The following PITPNM2 variants were observed in gnomAD, a reference collection of about 807,000 sequenced individuals.
PITPNM2 encodes phosphatidylinositol transfer protein membrane associated 2, also known as membrane-associated phosphatidylinositol transfer protein 2.
A neutral mutation model predicts 132.2 loss-of-function variants in PITPNM2; 35 were observed. The ratio of observed to expected loss-of-function variants is 0.26; its 90% CI spans 0.20 to 0.35. The LOEUF is 0.35. Ranked by LOEUF, PITPNM2 falls within the 10% of genes least tolerant of loss-of-function variation. The pLI is 1.00. For synonymous variants in PITPNM2, 738 were observed against 799.2 expected (o/e 0.92, Z 1.29); for missense variants, 1,332 against 1,912.0 (o/e 0.70, Z 5.66).
intron 1 of PITPNM2, among the ~76,000 whole-genome samples, chr12:123,145,337 G>A (rs2043592793): frequency 6.6e-6 from 1 of 152,066 alleles, no homozygotes; most frequent in Non-Finnish European, 1.5e-5. Flanking sequence ...CACCCAATAG[G>A]GAGTTTGAGC....
chr12:123,092,712 T>A (rs1264189267), intron 2 of PITPNM2: 1 of 152,266 alleles, frequency 6.6e-6, no homozygotes, highest in Non-Finnish European at 1.5e-5. Context: ...TAACCCATCC[T>A]AGGTCTCCGA....
intron 6 of PITPNM2, among the ~76,000 whole-genome samples, chr12:123,007,017 C>A (rs1014451155): frequency 6.6e-6 from 1 of 152,196 alleles, no homozygotes; most frequent in Non-Finnish European, 1.5e-5. Context: ...AAGAAACACA[C>A]CATCGCCGGC....
At chr12:122,991,396 C>T (rs1233795331) in intron 16 of PITPNM2, among the ~76,000 whole-genome samples, 1 of 152,240 alleles carries the variant, frequency 6.6e-6, no homozygotes, top group Non-Finnish European at 1.5e-5. Context: ...AATCCAACCC[C>T]TCGCTGGGAC....
chr12:123,034,444 C>T, intron 3 of PITPNM2, 69 bp downstream of exon 3: 1 of 1,441,938 alleles, frequency 6.9e-7, no homozygotes, highest in Admixed American at 1.7e-5. Context: ...CCACCTAACC[C>T]ACATGTGGTG....
chr12:123,128,427 C>A (rs1187930155), intron 1 of PITPNM2, among the ~76,000 whole-genome samples: 1 of 109,658 alleles, frequency 9.1e-6, no homozygotes, highest in East Asian at 2.7e-4. Flanking sequence ...GGTGACAGAG[C>A]AAGACCCCGT....
Position 123,095,935 on chromosome 12 carries a change from A to C in PITPNM2, c.-96+14450T>G, listed in dbSNP as rs953140282. On this transcript the variant is annotated intron_variant, in intron 2 of 25. Coordinates refer to ENST00000320201, the MANE Select transcript of PITPNM2 (RefSeq NM_020845.3). The surrounding 1 kb of genome is among the most constrained non-coding windows in gnomAD (Gnocchi z 5.0). ...CTTCCACAAGGCTTGGCACTATCGT[A>C]AGGATCATCACCGCCCATGACTGAT... 2.0e-5 allele frequency among the ~76,000 whole-genome samples: 3 copies of C among 152,236 alleles called. No homozygotes were observed. Among genetic ancestry groups the C allele is most frequent in the African/African-American group, 7.2e-5 (3 of 41,462 alleles).
Position 123,024,000 on chromosome 12 carries a change from A to G in PITPNM2, c.79-9958T>C, listed in dbSNP as rs1383461017. Among the ~76,000 whole-genome samples the G allele has an allele frequency of 6.6e-6, 1 of 152,200 alleles. No individual in the cohort carries two copies. The highest frequency in any genetic ancestry group is 1.5e-5 in the Non-Finnish European group (1 of 68,038). On this transcript the variant is annotated intron_variant, in intron 3 of 25. Coordinates refer to ENST00000320201, the MANE Select transcript of PITPNM2 (RefSeq NM_020845.3). The surrounding 1 kb of genome is among the most constrained non-coding windows in gnomAD (Gnocchi z 4.8). ...TGGGCATGGTGCTGTACACCTGTAG[A>G]CCTAGCTACTCCAGAGGTGAAGTTG...
At chr12:123,035,063 A>C (rs2040221829) in intron 2 of PITPNM2, among the ~76,000 whole-genome samples, 3 of 152,244 alleles carry the variant, frequency 2.0e-5, no homozygotes, top group Admixed American at 2.0e-4. Flanking sequence ...ATAGCTGGTC[A>C]TGGAAAAGCA....
At chr12:123,028,341 G>A (rs2039940816) in intron 3 of PITPNM2, among the ~76,000 whole-genome samples, 1 of 152,220 alleles carries the variant, frequency 6.6e-6, no homozygotes, top group African/African-American at 2.4e-5. Flanking sequence ...TTCCAGCGGG[G>A]CAGCTTGCAG....
intron 2 of PITPNM2, among the ~76,000 whole-genome samples, chr12:123,074,946 A>G (rs2041737018): frequency 6.6e-6 from 1 of 152,236 alleles, no homozygotes; most frequent in Non-Finnish European, 1.5e-5. Flanking sequence ...TGATCTTAAC[A>G]ATCCTGGGAA....
At chr12:123,076,131 C>T (rs1181704653) in intron 2 of PITPNM2, 3 of 152,284 alleles carry the variant, frequency 2.0e-5, no homozygotes, top group African/African-American at 7.2e-5. Context: ...CATCACATAA[C>T]TCGTAAACCC....
Position 122,983,616 on chromosome 12 carries a change from C to G in PITPNM2, c.*2411G>C, listed in dbSNP as rs934048815. On this transcript the variant is annotated 3_prime_UTR_variant, in exon 26 of 26. Transcript: ENST00000320201. ...CTCACACATGGCCCAGAGAAACAGA[C>G]GGCACACGGACAGACCAGACGGGAG... The G allele has an allele frequency of 6.6e-6, 1 of 152,430 alleles. No individual in the cohort carries two copies. The highest frequency in any genetic ancestry group is 2.4e-5 in the African/African-American group (1 of 41,402). 9.4% of individuals were successfully genotyped at this position (152,430 alleles called of 1,614,324 possible).
At chr12:122,990,235 C>A (rs924063801) in intron 17 of PITPNM2, among the ~76,000 whole-genome samples, 2 of 152,278 alleles carry the variant, frequency 1.3e-5, no homozygotes, top group Non-Finnish European at 2.9e-5. Context: ...CACCAAGAGG[C>A]TTCATGCAGG....
At chr12:122,991,607 C>T (rs761227704) in intron 16 of PITPNM2, 2 of 895,836 alleles carry the variant, frequency 2.2e-6, no homozygotes, top group South Asian at 5.8e-5. Context: ...CATCAGCTCC[C>T]CAGAGCCGTC....
intron 2 of PITPNM2, among the ~76,000 whole-genome samples, chr12:123,100,557 C>T (rs555733154): frequency 2.2e-4 from 34 of 151,316 alleles, no homozygotes; most frequent in African/African-American, 7.5e-4. Context: ...GCCTGGTAGG[C>T]GGAAGTTGTA....
At chr12:123,021,837 T>C (rs1326290930) in intron 3 of PITPNM2, 1 of 382,214 alleles carries the variant, frequency 2.6e-6, no homozygotes, top group Non-Finnish European at 3.6e-6. Flanking sequence ...CTATATGTCA[T>C]CATCTCCCCA....
rs772240710 is a variant in PITPNM2, at chr12:122,988,291, G to A, written c.2940C>T (p.Phe980=). ...LELDGKEVSV[F]TPSKPREKWQ... is the part of the protein sequence containing the mutation. The stretch of plus-strand genomic sequence containing the variant: ...ACTTCTCCCTTGGCTTTGAGGGGGT[G>A]AACACCGACACTTCCTTGCCATCCA... The change falls in exon 20 of 26, where the codon TTC becomes TTT. Residue 980 remains phenylalanine (F), a synonymous_variant. Transcript: ENST00000320201. The A allele has an allele frequency of 6.2e-7, 1 of 1,613,384 alleles. No homozygotes were observed. Among genetic ancestry groups the A allele is most frequent in the South Asian group, 1.1e-5 (1 of 91,078 alleles).
chr12:123,143,112 T>C (rs895543497), intron 1 of PITPNM2, among the ~76,000 whole-genome samples: 6 of 148,576 alleles, frequency 4.0e-5, no homozygotes, highest in Admixed American at 2.0e-4. Context: ...GACACACCCA[T>C]CCCTATCCCC....
intron 1 of PITPNM2, among the ~76,000 whole-genome samples, chr12:123,142,272 G>A (rs1565883717): frequency 6.6e-6 from 1 of 152,218 alleles, no homozygotes. Flanking sequence ...AAATGCATAA[G>A]CTATTTCACA....
Sources: gnomAD v4.1 joint callset for allele counts (sites outside exome capture counted in the v4.1 genomes callset) on GRCh38, gnomAD v4.1.1 for gene constraint, Gnocchi (gnomAD v3.1) non-coding constraint, MANE v1.5 for transcripts, NCBI Gene and HGNC (gene_info 2026-07-23, HGNC 2026-07-21) for gene names.